NCOA1: variants seen among roughly 807,000 people sequenced by gnomAD.
NCOA1 encodes Hin-2 protein.
NCOA1 carries 35 observed loss-of-function variants against 150.9 expected under a neutral mutation model. The ratio of observed to expected loss-of-function variants is 0.23; its 90% confidence interval spans 0.18 to 0.31. NCOA1 has a LOEUF of 0.31. NCOA1 is among the 10% of genes least tolerant of loss of function. The probability of loss-of-function intolerance (pLI) is 1.00; values close to 1 mark genes in which losing one functional copy is unlikely to be tolerated. For synonymous variants in NCOA1, 590 were observed against 630.0 expected (o/e 0.94, Z 0.95); for missense variants, 1,491 against 1,749.3 (o/e 0.85, Z 2.63).
chr2:24,549,168 C>A (rs1227572310), intron 1 of NCOA1, among the ~76,000 whole-genome samples: 5 of 152,216 alleles, frequency 3.3e-5, no homozygotes, highest in African/African-American at 1.2e-4. Flanking sequence ...CAGTTCTTGA[C>A]TTCTGTGCAC....
At chr2:24,667,901 C>A (rs1489675419) in intron 6 of NCOA1, among the ~76,000 whole-genome samples, 1 of 152,142 alleles carries the variant, frequency 6.6e-6, no homozygotes, top group Non-Finnish European at 1.5e-5. Flanking sequence ...AAAAAAAAAT[C>A]TATGCATCTT....
Position 24,710,915 on chromosome 2 carries a change from T to A in NCOA1, c.2419-16T>A, listed in dbSNP as rs772548534. The A allele has an allele frequency of 1.2e-6, 2 of 1,611,380 alleles. No homozygotes were observed. The highest frequency in any genetic ancestry group is 1.7e-6 in the Non-Finnish European group (2 of 1,178,454). On this transcript the variant is annotated splice_polypyrimidine_tract_variant and intron_variant, in intron 13 of 22. Coordinates refer to ENST00000348332, the MANE Select transcript of NCOA1 (RefSeq NM_003743.5). ...GTGTAAAATATATTTCCTCTAACTT[T>A]GGTTTCCATTCTTAGTTTACAGCTG...
At chr2:24,709,639 A>AAG (rs1436184857) in intron 13 of NCOA1, among the ~76,000 whole-genome samples, 3 of 152,184 alleles carry the variant, frequency 2.0e-5, no homozygotes, top group Non-Finnish European at 4.4e-5. Context: ...TGATGAGGTG[A>AAG]AGTTCTTCAC....
intron 7 of NCOA1, among the ~76,000 whole-genome samples, chr2:24,676,148 G>A (rs1671901979): frequency 6.6e-6 from 1 of 152,140 alleles, no homozygotes; most frequent in Non-Finnish European, 1.5e-5. Context: ...AAAATGACCA[G>A]TGCTATGATA....
rs559360659 is a variant in NCOA1 at position 24,709,148 on chromosome 2, A to C, written c.2418+1260A>C. On this transcript the variant is annotated intron_variant, in intron 13 of 22. Transcript: ENST00000348332. ...TTTTAAGCAGAAAACAGCATTAAAT[A>C]ATAAGTATATTTAAAAGGAAAAGAT... is the stretch of plus-strand genomic sequence containing the variant. Among the ~76,000 whole-genome samples the C allele has an allele frequency of 3.3e-5, 5 of 152,218 alleles. No individual in the cohort carries two copies. In the South Asian group the frequency reaches 1.0e-3, roughly 32 times the overall value.
chr2:24,569,183 T>C (rs1282642994), intron 2 of NCOA1, among the ~76,000 whole-genome samples: 1 of 152,216 alleles, frequency 6.6e-6, no homozygotes, highest in East Asian at 1.9e-4. Context: ...GTAAGCAGTT[T>C]TGGCCACTAG....
At chr2:24,651,254 T>G (rs932878826) in intron 4 of NCOA1, among the ~76,000 whole-genome samples, 1 of 152,092 alleles carries the variant, frequency 6.6e-6, no homozygotes, top group East Asian at 1.9e-4. Context: ...TGCACTCCCA[T>G]GTTCATTGCA....
At chr2:24,644,806 A>T (rs1455734746) in intron 4 of NCOA1, among the ~76,000 whole-genome samples, 1 of 152,218 alleles carries the variant, frequency 6.6e-6, no homozygotes, top group Admixed American at 6.5e-5. Flanking sequence ...AGATAAAAAT[A>T]AAAAATTATA....
intron 1 of NCOA1, among the ~76,000 whole-genome samples, chr2:24,516,923 C>T (rs554109159): frequency 2.6e-4 from 11 of 42,140 alleles, no homozygotes; most frequent in South Asian, 1.1e-3. Context: ...TGTGTGTGTG[C>T]GCGCGTGTGT....
chr2:24,666,017 AT>A, intron 6 of NCOA1, 102 bp downstream of exon 6: 1 of 728,854 alleles, frequency 1.4e-6, no homozygotes, highest in Non-Finnish European at 1.8e-6. Context: ...TTTTATTATT[AT>A]TATTATTTTT....
intron 3 of NCOA1, among the ~76,000 whole-genome samples, chr2:24,614,497 T>C (rs1668787103): frequency 6.6e-6 from 1 of 152,202 alleles, no homozygotes; most frequent in East Asian, 1.9e-4. Flanking sequence ...TGCAAAGTGC[T>C]GGGATTACAG....
chr2:24,691,415 T>C (rs1672662704), intron 8 of NCOA1, 66 bp from the exon 9 acceptor site: 6 of 1,468,548 alleles, frequency 4.1e-6, no homozygotes, highest in Non-Finnish European at 5.6e-6. Flanking sequence ...AGTACATCTT[T>C]TGTATCTTCA....
chr2:24,704,961 G>A (rs1673344409), intron 11 of NCOA1, 125 bp from the exon 12 acceptor site: 1 of 907,516 alleles, frequency 1.1e-6, no homozygotes, highest in Admixed American at 2.6e-5. Context: ...TTTATTCTGA[G>A]TCTAAGCAGG....
intron 2 of NCOA1, among the ~76,000 whole-genome samples, chr2:24,572,997 A>G (rs1371755333): frequency 6.6e-6 from 1 of 152,174 alleles, no homozygotes; most frequent in African/African-American, 2.4e-5. Context: ...ATGCTTTCCA[A>G]TGAAATCTGG....
intron 15 of NCOA1, among the ~76,000 whole-genome samples, chr2:24,727,342 T>A (rs1372225850): frequency 6.6e-6 from 1 of 152,174 alleles, no homozygotes; most frequent in Non-Finnish European, 1.5e-5. Flanking sequence ...TGAATTGGCC[T>A]CAGTACAATA....
intron 1 of NCOA1, among the ~76,000 whole-genome samples, chr2:24,536,947 T>C (rs925482946): frequency 6.6e-6 from 1 of 151,976 alleles, no homozygotes; most frequent in African/African-American, 2.4e-5. Flanking sequence ...CAGAGAGATA[T>C]AATGGACTGT....
chr2:24,666,294 G>C (rs908204131), intron 6 of NCOA1, among the ~76,000 whole-genome samples: 3 of 152,034 alleles, frequency 2.0e-5, no homozygotes, highest in African/African-American at 7.2e-5. Flanking sequence ...GATTACAGGC[G>C]TGAGCCACCG....
intron 3 of NCOA1, among the ~76,000 whole-genome samples, chr2:24,636,228 G>T (rs1295102130): frequency 1.3e-5 from 2 of 152,124 alleles, no homozygotes; most frequent in East Asian, 3.8e-4. Context: ...TTAAACCCAT[G>T]AACATGTTAA....
chr2:24,761,712 C>T (rs764173754), intron 21 of NCOA1, among the ~76,000 whole-genome samples: 12 of 152,138 alleles, frequency 7.9e-5, no homozygotes, highest in Non-Finnish European at 1.5e-4. Flanking sequence ...TATATTCCTA[C>T]AAATATTCTT....
Sources: allele counts gnomAD v4.1 joint callset (sites outside exome capture counted in the v4.1 genomes callset), GRCh38; gene constraint gnomAD v4.1.1; transcripts MANE v1.5; gene names NCBI Gene and HGNC (gene_info 2026-07-23, HGNC 2026-07-21).